Variants in RFTN1 observed in about 807,000 individuals in gnomAD.
RFTN1 encodes raftlin.
Under a neutral mutation model 46.5 loss-of-function variants are expected in RFTN1, and 26 were observed. That is an observed-to-expected ratio of 0.56 (90% CI 0.41 to 0.78). The LOEUF (loss-of-function observed/expected upper bound fraction) is 0.78, where lower values mean the gene tolerates loss of function less well. Among genes scored for constraint, RFTN1 ranks in the 30% least tolerant of loss-of-function variants. The pLI is 0.00. For missense variants in RFTN1, 693 were observed against 718.7 expected, an observed-to-expected ratio of 0.96 and a Z score of 0.41; for synonymous variants, 261 against 284.2, an observed-to-expected ratio of 0.92 and a Z score of 0.82.
chr3:16,401,922 C>A (rs2074613296), intron 4 of RFTN1, among the ~76,000 whole-genome samples: 1 of 152,214 alleles, frequency 6.6e-6, no homozygotes, highest in Non-Finnish European at 1.5e-5. Context: ...TGGGCATGTG[C>A]CACTGGATGA....
intron 1 of RFTN1, among the ~76,000 whole-genome samples, chr3:16,494,338 C>T (rs752779259): frequency 3.3e-5 from 5 of 152,178 alleles, no homozygotes; most frequent in South Asian, 2.1e-4. Flanking sequence ...TTCCAAACTC[C>T]GAGTCCTTTC....
chr3:16,435,701 C>T (rs1318168017), intron 2 of RFTN1, among the ~76,000 whole-genome samples: 1 of 152,108 alleles, frequency 6.6e-6, no homozygotes, highest in African/African-American at 2.4e-5. Flanking sequence ...CAAACTTTTG[C>T]TCTTACAAGT....
At position 16,447,579 on chromosome 3, in the gene RFTN1, G is replaced by C. The variant is rs73146208; in HGVS notation, c.146-13542C>G. On this transcript the variant is annotated intron_variant, in intron 2 of 9. Coordinates refer to ENST00000334133, the MANE Select transcript of RFTN1 (RefSeq NM_015150.2). This position sits in a 1 kb window ranked among gnomAD's most constrained non-coding sequence, Gnocchi z 5.9. ...AACGGGGTCCCTAATGGTGTTTGGGGGCACATGCACATGTCCCTCCCAGCT... is the reference window on the plus strand; with the variant it reads ...AACGGGGTCCCTAATGGTGTTTGGGCGCACATGCACATGTCCCTCCCAGCT... Among the ~76,000 whole-genome samples the C allele has an allele frequency of 0.013, 1,972 of 152,170 alleles. 48 individuals carry two copies. The highest frequency in any genetic ancestry group is 0.044 in the African/African-American group (1,838 of 41,484).
At position 16,433,855 on chromosome 3, in the gene RFTN1, C is replaced by T. The variant is rs375698878; in HGVS notation, c.328G>A (p.Asp110Asn). ...ATTCACCCGTGGAGGCCTTACCTGT[C>T]GGTTTTCTTGATCAGGATGGCTCTA... ...IFRAILIKKTDRSQKTDLHNE... is the reference protein window; with the variant it reads ...IFRAILIKKTNRSQKTDLHNE... Residue 110 changes from aspartate to asparagine, a missense_variant, in exon 3 of 10, where the codon GAC becomes AAC. Transcript: ENST00000334133. The surrounding 1 kb of genome is among the most constrained non-coding windows in gnomAD (Gnocchi z 4.4). 195 of 1,614,048 alleles carry T rather than the reference C, an allele frequency of 1.2e-4. No individual in the cohort carries two copies. The Admixed American group carries it at 2.0e-3, about 16-fold the overall frequency.
Position 16,352,196 on chromosome 3 carries a change from TC to T in RFTN1, c.1146+5735del, listed in dbSNP as rs2072148573. On this transcript the variant is annotated intron_variant, in intron 7 of 9. Coordinates refer to ENST00000334133, the MANE Select transcript of RFTN1 (RefSeq NM_015150.2). The surrounding 1 kb of genome is among the most constrained non-coding windows in gnomAD (Gnocchi z 4.6). ...AAGTGCTTTTTCTACTCTCTTATGT[TC>T]CATTCTGGCACCAAATTTCACGATA... Among the ~76,000 whole-genome samples, 1 of 152,216 alleles carries T rather than the reference TC, an allele frequency of 6.6e-6. No individual in the cohort carries two copies. The highest frequency in any genetic ancestry group is 1.9e-4 in the East Asian group (1 of 5,196).
At chr3:16,470,000 G>A (rs2076167228) in intron 2 of RFTN1, among the ~76,000 whole-genome samples, 1 of 152,186 alleles carries the variant, frequency 6.6e-6, no homozygotes, top group Non-Finnish European at 1.5e-5. Flanking sequence ...CATGGGGTTA[G>A]CAAGGAGCAG....
In RFTN1 at chr3:16,504,590, C is replaced by T. The variant is rs1232941914; in HGVS notation, c.-9+8852G>A. On this transcript the variant is annotated intron_variant, in intron 1 of 9. Coordinates refer to ENST00000334133, the MANE Select transcript of RFTN1 (RefSeq NM_015150.2). The surrounding 1 kb of genome is among the most constrained non-coding windows in gnomAD (Gnocchi z 4.4). ...CCTTTGCTGCAGTGCCTTGCGGTAT[C>T]TTAGCACAGAATTTGGGAACCACCA... Among the ~76,000 whole-genome samples the T allele has an allele frequency of 1.3e-5, 2 of 152,214 alleles. No homozygotes were observed. The highest frequency in any genetic ancestry group is 3.8e-4 in the East Asian group (2 of 5,206).
At position 16,475,680 on chromosome 3, in the gene RFTN1, A is replaced by G. The variant is rs1030639167; in HGVS notation, c.145+18045T>C. ...AATCAATGGAAAACTAAAGCAACTA[A>G]CAGACACACAGAGAGAATCACTGAG... On this transcript the variant is annotated intron_variant, in intron 2 of 9. Coordinates refer to ENST00000334133, the MANE Select transcript of RFTN1 (RefSeq NM_015150.2). The surrounding 1 kb of genome is among the most constrained non-coding windows in gnomAD (Gnocchi z 4.2). Among the ~76,000 whole-genome samples, 1 of 152,184 alleles carries G rather than the reference A, an allele frequency of 6.6e-6. No homozygotes were observed. The highest frequency in any genetic ancestry group is 1.5e-5 in the Non-Finnish European group (1 of 68,030).
chr3:16,419,626 A>G (rs1380561012), intron 3 of RFTN1, among the ~76,000 whole-genome samples: 1 of 152,210 alleles, frequency 6.6e-6, no homozygotes, highest in Non-Finnish European at 1.5e-5. Flanking sequence ...AATGAACCAA[A>G]TCTACACAAA....
chr3:16,457,035 T>A lies in RFTN1; in HGVS notation c.146-22998A>T, dbSNP rs771652610. Among the ~76,000 whole-genome samples, 5 of 152,240 alleles carry A rather than the reference T, an allele frequency of 3.3e-5. No individual in the cohort carries two copies. Among genetic ancestry groups the A allele is most frequent in the Non-Finnish European group, 7.3e-5 (5 of 68,040 alleles). ...TTTTAAATGACAGATGCCATTGCTA[T>A]AAGAACTTTAATAAGTATATGTGAA... On this transcript the variant is annotated intron_variant, in intron 2 of 9. Transcript: ENST00000334133. This position sits in a 1 kb window ranked among gnomAD's most constrained non-coding sequence, Gnocchi z 4.2.
rs936492065 is a variant in RFTN1 at position 16,443,983 on chromosome 3, A to C, written c.146-9946T>G. Among the ~76,000 whole-genome samples the C allele has an allele frequency of 6.6e-6, 1 of 152,224 alleles. No individual in the cohort carries two copies. Among genetic ancestry groups the C allele is most frequent in the Non-Finnish European group, 1.5e-5 (1 of 68,038 alleles). On this transcript the variant is annotated intron_variant, in intron 2 of 9. Transcript: ENST00000334133. The surrounding 1 kb of genome is among the most constrained non-coding windows in gnomAD (Gnocchi z 5.5). ...ACCAGGTCCCCTGATGCTTAGGTTT[A>C]GTAGTGGGCACTCAAATATTAAAAG...
rs1394294182 is a variant in RFTN1 at position 16,378,038 on chromosome 3, A to T, written c.506T>A (p.Val169Glu). 6.2e-7 allele frequency: 1 copy of T among 1,614,284 alleles called. No homozygotes were observed. The highest frequency in any genetic ancestry group is 1.7e-5 in the Admixed American group (1 of 60,034). The change falls in exon 5 of 10, where the codon GTG (valine) becomes GAG (glutamate). Residue 169 changes from valine to glutamate, a missense_variant. By Grantham distance (121) the Val-to-Glu change is moderately radical (BLOSUM62 -2). Coordinates refer to ENST00000334133, the MANE Select transcript of RFTN1 (RefSeq NM_015150.2). ...CGGAGCACTGCTGCCTGCCGAGTTCACAGAGGAATGGTACTGAGGTATAAC... is the reference window on the plus strand; with the variant it reads ...CGGAGCACTGCTGCCTGCCGAGTTCTCAGAGGAATGGTACTGAGGTATAAC... ...VGVIPQYHSS[V>E]NSAGSSAPVS...
rs533563569 is a variant in RFTN1 at position 16,376,483 on chromosome 3, C to T, written c.826+1235G>A. The stretch of plus-strand genomic sequence containing the variant: ...ATCTTCCTGCCCAGGATTCAGAGCA[C>T]ACACATCCAGCCCAGCCTCCATGAG... On this transcript the variant is annotated intron_variant, in intron 5 of 9. Transcript: ENST00000334133. This position sits in a 1 kb window ranked among gnomAD's most constrained non-coding sequence, Gnocchi z 4.7. Among the ~76,000 whole-genome samples, 5 of 152,268 alleles carry T rather than the reference C, an allele frequency of 3.3e-5. No individual in the cohort carries two copies. Among genetic ancestry groups the T allele is most frequent in the Admixed American group, 1.3e-4 (2 of 15,300 alleles).
chr3:16,357,086 G>T (rs188667953), intron 7 of RFTN1, among the ~76,000 whole-genome samples: 78 of 147,422 alleles, frequency 5.3e-4, no homozygotes, highest in African/African-American at 1.9e-3. Flanking sequence ...CTGCACTCCA[G>T]CCTGGGCGAC....
At position 16,500,516 on chromosome 3, in the gene RFTN1, T is replaced by C. The variant is rs185420871; in HGVS notation, c.-8-6639A>G. On this transcript the variant is annotated intron_variant, in intron 1 of 9. Transcript: ENST00000334133. The surrounding 1 kb of genome is among the most constrained non-coding windows in gnomAD (Gnocchi z 5.9). Reference sequence around the variant, plus strand: ...CATATATGCAGTTCCCTAGCAGAAATTGGTAAGGGTAATTAGGAACTGGAT... The same window carrying C: ...CATATATGCAGTTCCCTAGCAGAAACTGGTAAGGGTAATTAGGAACTGGAT... 2.1e-4 allele frequency among the ~76,000 whole-genome samples: 32 copies of C among 152,146 alleles called. No homozygotes were observed. The highest frequency in any genetic ancestry group is 7.2e-4 in the African/African-American group (30 of 41,502).
chr3:16,494,018 A>G, intron 1 of RFTN1, 141 bp from the exon 2 acceptor site: 1 of 902,682 alleles, frequency 1.1e-6, no homozygotes, highest in Non-Finnish European at 1.7e-6. Flanking sequence ...GTATAATTTA[A>G]TATAGGACCT....
chr3:16,433,799 A>C lies in RFTN1; in HGVS notation c.332+52T>G. ...TCCTCTCACTTCCCCTCCTCTATTG[A>C]GCATAACTTAGCCGCAACAGGATGC... On this transcript the variant is annotated intron_variant, in intron 3 of 9. Coordinates refer to ENST00000334133, the MANE Select transcript of RFTN1 (RefSeq NM_015150.2). The surrounding 1 kb of genome is among the most constrained non-coding windows in gnomAD (Gnocchi z 4.4). 6.3e-7 allele frequency: 1 copy of C among 1,578,486 alleles called. No individual in the cohort carries two copies. Among genetic ancestry groups the C allele is most frequent in the Non-Finnish European group, 8.7e-7 (1 of 1,148,192 alleles).
rs1387615009 is a variant in RFTN1, at chr3:16,361,527, C to T, written c.1031-3480G>A. Reference sequence around the variant, plus strand: ...AAAGAGGCATCAGGGTAGGGCTCCCCACTTCGAGTGAACTAAGCAAGCAAG... The same window carrying T: ...AAAGAGGCATCAGGGTAGGGCTCCCTACTTCGAGTGAACTAAGCAAGCAAG... On this transcript the variant is annotated intron_variant, in intron 6 of 9. Transcript: ENST00000334133. The surrounding 1 kb of genome is among the most constrained non-coding windows in gnomAD (Gnocchi z 4.3). 6.6e-6 allele frequency among the ~76,000 whole-genome samples: 1 copy of T among 152,134 alleles called. No individual in the cohort carries two copies. Among genetic ancestry groups the T allele is most frequent in the East Asian group, 1.9e-4 (1 of 5,196 alleles).
chr3:16,345,422 T>C lies in RFTN1; in HGVS notation c.1146+12510A>G, dbSNP rs1397505258. 6.6e-6 allele frequency among the ~76,000 whole-genome samples: 1 copy of C among 152,152 alleles called. No homozygotes were observed. The highest frequency in any genetic ancestry group is 1.5e-5 in the Non-Finnish European group (1 of 68,022). ...TTGCCACAGGATGCATAAACATTATTTTTGGGCATGTTGTGAGGGTGTTTC... is the reference window on the plus strand; with the variant it reads ...TTGCCACAGGATGCATAAACATTATCTTTGGGCATGTTGTGAGGGTGTTTC... On this transcript the variant is annotated intron_variant, in intron 7 of 9. Coordinates refer to ENST00000334133, the MANE Select transcript of RFTN1 (RefSeq NM_015150.2). This position sits in a 1 kb window ranked among gnomAD's most constrained non-coding sequence, Gnocchi z 5.2.
Sources: allele counts gnomAD v4.1 joint callset (sites outside exome capture counted in the v4.1 genomes callset), GRCh38; gene constraint gnomAD v4.1.1; non-coding constraint Gnocchi (gnomAD v3.1); transcripts MANE v1.5; gene names NCBI Gene and HGNC (gene_info 2026-07-23, HGNC 2026-07-21).